SETDB2: variants seen among roughly 807,000 people sequenced by gnomAD.
The protein encoded by SETDB2 is histone-lysine N-methyltransferase SETDB2.
A neutral mutation model predicts 82.5 loss-of-function variants in SETDB2; 56 were observed. The ratio of observed to expected loss-of-function variants is 0.68; its 90% confidence interval spans 0.55 to 0.85. The LOEUF (loss-of-function observed/expected upper bound fraction) is 0.85, where lower values mean the gene tolerates loss of function less well. SETDB2 is among the 40% of genes least tolerant of loss of function. The probability of loss-of-function intolerance (pLI) is 0.00; values close to 1 mark genes in which losing one functional copy is unlikely to be tolerated. For synonymous variants in SETDB2, 272 were observed against 284.9 expected (o/e 0.95, Z 0.46); for missense variants, 677 against 816.4 (o/e 0.83, Z 2.08).
intron 5 of SETDB2, 98 bp from the exon 6 acceptor site, chr13:49,476,378 T>C: frequency 7.3e-6 from 6 of 816,782 alleles, no homozygotes; most frequent in Non-Finnish European, 1.1e-5. Context: ...CTGGCTTATT[T>C]TAATATTGTC....
At chr13:49,446,783 C>CT (rs1957699182) in intron 1 of SETDB2, among the ~76,000 whole-genome samples, 3 of 152,158 alleles carry the variant, frequency 2.0e-5, no homozygotes, top group Non-Finnish European at 2.9e-5. Context: ...TTGCCATTCT[C>CT]TGAGAACATT....
chr13:49,475,296 C>T (rs997072640), intron 5 of SETDB2, among the ~76,000 whole-genome samples: 3 of 152,130 alleles, frequency 2.0e-5, no homozygotes, highest in South Asian at 2.1e-4. Context: ...TCCCACAACA[C>T]GTCGGAATTC....
chr13:49,475,925 C>T (rs571236662), intron 5 of SETDB2, among the ~76,000 whole-genome samples: 1 of 152,094 alleles, frequency 6.6e-6, no homozygotes, highest in Admixed American at 6.5e-5. Context: ...TGAAGGCAAA[C>T]AGTATAAAGG....
intron 2 of SETDB2, among the ~76,000 whole-genome samples, chr13:49,452,421 G>A (rs1957803415): frequency 6.6e-6 from 1 of 152,196 alleles, no homozygotes; most frequent in Non-Finnish European, 1.5e-5. Flanking sequence ...GTGAGCCACT[G>A]CACCTGGCCA....
chr13:49,476,699 G>GT lies in SETDB2; in HGVS notation c.530dup (p.Ser178GlufsTer3). ...AAACTCTCATTCTTCAGCACTCCACGTGAGTTATAAAACCCCTTGTGGAAG... is the reference window on the plus strand; with the variant it reads ...AAACTCTCATTCTTCAGCACTCCACGTTGAGTTATAAAACCCCTTGTGGAAG... On this transcript the variant is annotated frameshift_variant, in exon 6 of 14. Coordinates refer to ENST00000611815, the MANE Select transcript of SETDB2 (RefSeq NM_001160308.3). LOFTEE classifies it high-confidence loss of function. 6.2e-7 allele frequency: 1 copy of GT among 1,614,208 alleles called. No individual in the cohort carries two copies. Among genetic ancestry groups the GT allele is most frequent in the Non-Finnish European group, 8.5e-7 (1 of 1,180,038 alleles).
chr13:49,464,020 G>A (rs748926004), intron 4 of SETDB2: 1 of 768,758 alleles, frequency 1.3e-6, no homozygotes, highest in South Asian at 1.4e-5. Context: ...CTGCCTCACA[G>A]GAGCATCACA....
chr13:49,457,388 G>C (rs1288328373), intron 2 of SETDB2, among the ~76,000 whole-genome samples: 4 of 101,424 alleles, frequency 3.9e-5, no homozygotes, highest in Non-Finnish European at 7.6e-5. Context: ...CTCATTTTAA[G>C]TATTTCCTAC....
intron 11 of SETDB2, among the ~76,000 whole-genome samples, chr13:49,487,500 A>G (rs1412567040): frequency 1.3e-5 from 2 of 151,916 alleles, no homozygotes; most frequent in African/African-American, 2.4e-5. Context: ...CTTGTTGGCT[A>G]ATTTCTTTTT....
intron 7 of SETDB2, 33 bp downstream of exon 7, chr13:49,480,368 GTA>G (rs1024695380): frequency 1.5e-5 from 20 of 1,343,544 alleles, no homozygotes; most frequent in Non-Finnish European, 2.0e-5. Flanking sequence ...TGCAGGGTGT[GTA>G]TATCTTTGAA....
At chr13:49,466,810 A>C (rs1280124367) in intron 4 of SETDB2, among the ~76,000 whole-genome samples, 2 of 83,928 alleles carry the variant, frequency 2.4e-5, no homozygotes, top group Non-Finnish European at 2.3e-5. Context: ...TGCCTGGCTA[A>C]CTTTTTTTTT....
chr13:49,480,001 A>T (rs1958446524), intron 6 of SETDB2, among the ~76,000 whole-genome samples: 1 of 152,242 alleles, frequency 6.6e-6, no homozygotes, highest in Non-Finnish European at 1.5e-5. Flanking sequence ...TTCATGAGCA[A>T]ATAGAGTTGC....
chr13:49,471,963 G>T (rs1162083546), intron 5 of SETDB2, among the ~76,000 whole-genome samples: 21 of 138,202 alleles, frequency 1.5e-4, no homozygotes, highest in Non-Finnish European at 2.8e-4. Context: ...TAGAGACAGG[G>T]TCTAGTCATG....
intron 2 of SETDB2, among the ~76,000 whole-genome samples, chr13:49,459,651 AT>A (rs1957954891): frequency 6.6e-6 from 1 of 152,168 alleles, no homozygotes; most frequent in Non-Finnish European, 1.5e-5. Flanking sequence ...TTAAACATTA[AT>A]TTGCTTCATG....
At chr13:49,453,379 C>T (rs1465322420) in intron 2 of SETDB2, among the ~76,000 whole-genome samples, 4 of 151,938 alleles carry the variant, frequency 2.6e-5, no homozygotes, top group Non-Finnish European at 2.9e-5. Context: ...TCACTGCAAC[C>T]TCTGCCTCCT....
chr13:49,480,523 A>C (rs1172286636), intron 7 of SETDB2, among the ~76,000 whole-genome samples, 188 bp downstream of exon 7: 1 of 152,242 alleles, frequency 6.6e-6, no homozygotes, highest in Non-Finnish European at 1.5e-5. Flanking sequence ...CCACACATAC[A>C]TCATGCAGAG....
intron 4 of SETDB2, among the ~76,000 whole-genome samples, chr13:49,466,480 T>C (rs1196252424): frequency 6.6e-6 from 1 of 151,158 alleles, no homozygotes; most frequent in African/African-American, 2.4e-5. Flanking sequence ...ATGTGTAACA[T>C]CTCAACACAG....
At chr13:49,485,095 A>G (rs1336426069) in intron 10 of SETDB2, among the ~76,000 whole-genome samples, 2 of 152,240 alleles carry the variant, frequency 1.3e-5, no homozygotes, top group Admixed American at 6.5e-5. Context: ...TAGTAATAAT[A>G]TGGTCAATGT....
intron 2 of SETDB2, among the ~76,000 whole-genome samples, chr13:49,455,033 C>T (rs1045417154): frequency 6.6e-6 from 1 of 151,884 alleles, no homozygotes; most frequent in African/African-American, 2.4e-5. Flanking sequence ...ATAATAAATC[C>T]AACATGTTGA....
intron 7 of SETDB2, among the ~76,000 whole-genome samples, chr13:49,480,649 G>A (rs760226063): frequency 3.9e-5 from 6 of 152,112 alleles, no homozygotes; most frequent in Non-Finnish European, 8.8e-5. Context: ...TGAGAATTGG[G>A]AATTTTCAAC....
Sources: allele counts gnomAD v4.1 joint callset (sites outside exome capture counted in the v4.1 genomes callset), GRCh38; gene constraint gnomAD v4.1.1; transcripts MANE v1.5; gene names NCBI Gene and HGNC (gene_info 2026-07-23, HGNC 2026-07-21).